Variants in PLEKHA7 observed in about 807,000 individuals in gnomAD.
PLEKHA7 encodes pleckstrin homology domain-containing family A member 7.
Under a neutral mutation model 170.0 loss-of-function variants are expected in PLEKHA7, and 104 were observed. The ratio of observed to expected loss-of-function variants is 0.61; its 90% CI spans 0.52 to 0.72. The LOEUF is 0.72. Among genes scored for constraint, PLEKHA7 ranks in the 30% least tolerant of loss-of-function variants. PLEKHA7 has a pLI of 0.00. For synonymous variants in PLEKHA7, 648 were observed against 660.8 expected, an observed-to-expected ratio of 0.98 and a Z score of 0.30; for missense variants, 1,615 against 1,671.7, an observed-to-expected ratio of 0.97 and a Z score of 0.59.
Position 16,789,887 on chromosome 11 carries a change from G to C in PLEKHA7, c.3053-9C>G. 6.2e-7 allele frequency: 1 copy of C among 1,611,406 alleles called. No homozygotes were observed. The highest frequency in any genetic ancestry group is 8.5e-7 in the Non-Finnish European group (1 of 1,177,546). ...CGTGGACCCTGAGAGCCCTTAGTGAGGAAAGAGAAGTGCAAGCATGTTTGT... is the reference window on the plus strand; with the variant it reads ...CGTGGACCCTGAGAGCCCTTAGTGACGAAAGAGAAGTGCAAGCATGTTTGT... On this transcript the variant is annotated splice_polypyrimidine_tract_variant and intron_variant, in intron 21 of 26. Transcript: ENST00000531066. This position sits in a 1 kb window ranked among gnomAD's most constrained non-coding sequence, Gnocchi z 4.6.
intron 3 of PLEKHA7, among the ~76,000 whole-genome samples, chr11:17,008,776 C>T (rs1487891948): frequency 2.6e-5 from 4 of 152,146 alleles, no homozygotes; most frequent in African/African-American, 9.7e-5. Flanking sequence ...TGCCTCATGA[C>T]CTATTTAATG....
At chr11:16,793,089 G>C (rs1847968888) in intron 19 of PLEKHA7, among the ~76,000 whole-genome samples, 1 of 152,236 alleles carries the variant, frequency 6.6e-6, no homozygotes, top group Non-Finnish European at 1.5e-5. Flanking sequence ...CCAAGCTGAG[G>C]AGGAGCCTCT....
chr11:16,865,769 A>AC (rs1202674540), intron 4 of PLEKHA7, among the ~76,000 whole-genome samples: 1 of 152,186 alleles, frequency 6.6e-6, no homozygotes, highest in Non-Finnish European at 1.5e-5. Flanking sequence ...AAAAGGTCCC[A>AC]CTTCCCTTGA....
intron 3 of PLEKHA7, among the ~76,000 whole-genome samples, chr11:16,914,997 G>A (rs2136189864): frequency 6.6e-6 from 1 of 152,296 alleles, no homozygotes; most frequent in East Asian, 1.9e-4. Flanking sequence ...AGTGCCCTGA[G>A]ACAGGCCACT....
intron 9 of PLEKHA7, among the ~76,000 whole-genome samples, chr11:16,838,514 T>TAAAA (rs56823340): frequency 9.3e-4 from 119 of 128,498 alleles, no homozygotes; most frequent in African/African-American, 3.5e-3. Flanking sequence ...CTCTGTGTCT[T>TAAAA]AAAAAAAAAA....
intron 3 of PLEKHA7, 73 bp from the exon 4 acceptor site, chr11:16,871,255 CA>C: frequency 8.3e-7 from 1 of 1,199,592 alleles, no homozygotes; most frequent in South Asian, 1.2e-5. Context: ...GGTCAGTCAG[CA>C]ATGTCTGGTG....
chr11:16,946,379 G>C (rs980362480), intron 3 of PLEKHA7, among the ~76,000 whole-genome samples: 1 of 152,140 alleles, frequency 6.6e-6, no homozygotes, highest in Non-Finnish European at 1.5e-5. Context: ...CCGAACGAAC[G>C]TGTGAAACCC....
Position 16,817,235 on chromosome 11 carries a change from G to A in PLEKHA7, c.1431C>T (p.Thr477=). Residue 477 remains threonine, a synonymous_variant, in exon 11 of 27, where the codon ACC becomes ACT. Transcript: ENST00000531066. The surrounding 1 kb of genome is among the most constrained non-coding windows in gnomAD (Gnocchi z 4.4). The stretch of plus-strand genomic sequence containing the variant: ...GCGAGGAGCCCCCCGAGGGGTGTCG[G>A]GTGCTCTTGGGAAGAGTCTGGTAGT... ...PENYQTLPKS[T]RHPSGGSSPP... 6.2e-7 allele frequency: 1 copy of A among 1,614,004 alleles called. No homozygotes were observed. Among genetic ancestry groups the A allele is most frequent in the East Asian group, 2.2e-5 (1 of 44,880 alleles).
chr11:16,884,091 C>T (rs1042267595), intron 3 of PLEKHA7, among the ~76,000 whole-genome samples: 6 of 152,104 alleles, frequency 3.9e-5, no homozygotes, highest in Non-Finnish European at 7.3e-5. Context: ...TGGACTCCTC[C>T]ATATCCATAC....
chr11:16,865,424 T>C (rs893062852), intron 4 of PLEKHA7, among the ~76,000 whole-genome samples: 8 of 152,076 alleles, frequency 5.3e-5, no homozygotes, highest in Non-Finnish European at 8.8e-5. Context: ...AAAGGTCAAA[T>C]GAGAAAATTA....
At chr11:16,949,505 A>G (rs2190752) in intron 3 of PLEKHA7, among the ~76,000 whole-genome samples, 137,452 of 152,220 alleles carry the variant, frequency 0.9, 62,175 homozygotes, top group African/African-American at 0.97. Flanking sequence ...TTGTAACAAA[A>G]CACTCTATTA....
intron 10 of PLEKHA7, among the ~76,000 whole-genome samples, chr11:16,818,327 A>G (rs968057515): frequency 2.6e-5 from 4 of 152,330 alleles, no homozygotes; most frequent in African/African-American, 7.2e-5. Flanking sequence ...TAGGAAATGC[A>G]ACCCCCACAT....
intron 3 of PLEKHA7, among the ~76,000 whole-genome samples, chr11:16,926,894 G>A (rs1427910350): frequency 6.6e-6 from 1 of 152,178 alleles, no homozygotes; most frequent in Non-Finnish European, 1.5e-5. Flanking sequence ...TCCTACCTCT[G>A]CAAAAGAGCG....
intron 3 of PLEKHA7, among the ~76,000 whole-genome samples, chr11:16,958,838 AACAT>A (rs1053112549): frequency 2.2e-5 from 3 of 138,144 alleles, no homozygotes; most frequent in African/African-American, 7.8e-5. Flanking sequence ...ACCAGAGCAA[AACAT>A]ACTGAAAAGA....
intron 9 of PLEKHA7, among the ~76,000 whole-genome samples, chr11:16,832,349 GC>G (rs1455272134): frequency 2.6e-5 from 4 of 152,084 alleles, no homozygotes; most frequent in African/African-American, 7.2e-5. Flanking sequence ...CTGGGGTTGG[GC>G]CCCAGCATTT....
chr11:16,967,051 G>A (rs1163989703), intron 3 of PLEKHA7, among the ~76,000 whole-genome samples: 1 of 152,164 alleles, frequency 6.6e-6, no homozygotes, highest in East Asian at 1.9e-4. Flanking sequence ...CGGGGCCCTT[G>A]AAACTCTCCC....
chr11:16,875,051 T>A (rs1052707280), intron 3 of PLEKHA7, among the ~76,000 whole-genome samples: 3 of 152,218 alleles, frequency 2.0e-5, no homozygotes, highest in African/African-American at 7.2e-5. Context: ...AGGTAATTTT[T>A]AAAAAGCCAA....
chr11:16,891,345 G>A (rs144547494), intron 3 of PLEKHA7, among the ~76,000 whole-genome samples: 1,596 of 152,316 alleles, frequency 0.01, 11 homozygotes, highest in Non-Finnish European at 0.016. Flanking sequence ...AGACAGAGGC[G>A]GAGATTGGAG....
chr11:16,837,822 C>A (rs1423934015), intron 9 of PLEKHA7, among the ~76,000 whole-genome samples: 1 of 152,040 alleles, frequency 6.6e-6, no homozygotes, highest in Non-Finnish European at 1.5e-5. Flanking sequence ...AAAAAGGGAA[C>A]AAACCTGGTT....
Sources: allele counts gnomAD v4.1 joint callset (sites outside exome capture counted in the v4.1 genomes callset), GRCh38; gene constraint gnomAD v4.1.1; non-coding constraint Gnocchi (gnomAD v3.1); transcripts MANE v1.5; gene names NCBI Gene and HGNC (gene_info 2026-07-23, HGNC 2026-07-21).